The following DIPK1C variants were observed in gnomAD, a reference collection of about 807,000 sequenced individuals.
DIPK1C encodes the protein familial non-conventional Alzheimer's dementia.
In DIPK1C, 33 loss-of-function variants were observed where a neutral mutation model predicts 28.0. That is an observed-to-expected ratio of 1.18 (90% CI 0.89 to 1.58). The LOEUF is 1.58. Among genes scored for constraint, DIPK1C ranks in the 40% most tolerant of loss-of-function variants. DIPK1C has a pLI of 0.00. For synonymous variants in DIPK1C, 255 were observed against 248.8 expected (o/e 1.02, Z -0.23); for missense variants, 569 against 568.5 (o/e 1.00, Z -0.01).
At chr18:74,450,511 A>C (rs1309786406) in intron 1 of DIPK1C, among the ~76,000 whole-genome samples, 1 of 152,050 alleles carries the variant, frequency 6.6e-6, no homozygotes, top group Non-Finnish European at 1.5e-5. Context: ...TCAGGAGAAA[A>C]ATGTCAGAGA....
intron 3 of DIPK1C, among the ~76,000 whole-genome samples, chr18:74,441,557 A>G (rs566693644): frequency 1.3e-5 from 2 of 152,060 alleles, no homozygotes; most frequent in South Asian, 4.2e-4. Flanking sequence ...TTTCTGTCTA[A>G]CCTCTAGTTA....
At chr18:74,464,418 G>A in the DIPK1C span, among the ~76,000 whole-genome samples, 2 of 152,202 alleles carry the variant, frequency 1.3e-5, no homozygotes, top group East Asian at 3.8e-4. Flanking sequence ...AAGGTACAGA[G>A]ATTTTCTATC....
At chr18:74,453,936 T>C (rs977150692) in intron 1 of DIPK1C, among the ~76,000 whole-genome samples, 7 of 152,136 alleles carry the variant, frequency 4.6e-5, no homozygotes, top group African/African-American at 1.7e-4. Context: ...ATTCGCACAG[T>C]GCCTTCCCAG....
rs563652633 is a variant in DIPK1C at position 74,446,662 on chromosome 18, G to A, written c.820C>T (p.Arg274Cys). ...VNHFDSDFSHRLHLCDIKPEN... is the reference protein window; with the variant it reads ...VNHFDSDFSHCLHLCDIKPEN... ...GGCTTGATGTCGCAGAGGTGGAGGC[G>A]GTGGGAAAAGTCACTGTCAAAATGG... Residue 274 changes from arginine (R) to cysteine (C), a missense_variant, in exon 2 of 4, where the codon CGC becomes TGC. Transcript: ENST00000343998. 8.6e-5 allele frequency: 130 copies of A among 1,506,330 alleles called. No individual in the cohort carries two copies. The highest frequency in any genetic ancestry group is 1.8e-4 in the Admixed American group (8 of 43,326). The allele number at this position is 1,506,330 out of a possible 1,614,324, so 93.3% of individuals were successfully genotyped here.
upstream of DIPK1C, among the ~76,000 whole-genome samples, chr18:74,461,200 C>T (rs1217314168): frequency 1.3e-5 from 2 of 152,136 alleles, no homozygotes; most frequent in Admixed American, 1.3e-4. Context: ...CAGGCCTGAG[C>T]GAGTCTCTCA....
chr18:74,438,258 G>C (rs988693778), intron 3 of DIPK1C, among the ~76,000 whole-genome samples: 1 of 152,206 alleles, frequency 6.6e-6, no homozygotes, highest in East Asian at 1.9e-4. Flanking sequence ...AAATGTGTGC[G>C]TGTGTCGTAA....
the DIPK1C span, among the ~76,000 whole-genome samples, chr18:74,463,573 C>T: frequency 6.6e-6 from 1 of 152,106 alleles, no homozygotes; most frequent in African/African-American, 2.4e-5. Flanking sequence ...TGATGCTACT[C>T]CTTCCCGCCC....
chr18:74,440,195 C>T (rs555541960), intron 3 of DIPK1C, among the ~76,000 whole-genome samples: 2 of 152,242 alleles, frequency 1.3e-5, no homozygotes, highest in South Asian at 4.2e-4. Flanking sequence ...CCACCCACCT[C>T]GGCCTCCCAA....
At position 74,436,538 on chromosome 18, in the gene DIPK1C, T is replaced by C; in HGVS notation, c.1223A>G (p.Gln408Arg). 1 of 1,606,162 alleles carries C rather than the reference T, an allele frequency of 6.2e-7. No homozygotes were observed. Among genetic ancestry groups the C allele is most frequent in the Non-Finnish European group, 8.5e-7 (1 of 1,177,516 alleles). ...CTCCTGCAGCTCCCTCAGTGTGGCT[T>C]GGAGGAGTTGGCGAAGCTTCCAGAA... is the stretch of plus-strand genomic sequence containing the variant. ...SVFWKLRQLL[Q>R]ATLRELQEAE... is the part of the protein sequence containing the mutation. Residue 408 changes from glutamine to arginine, a missense_variant, in exon 4 of 4, where the codon CAA becomes CGA. Coordinates refer to ENST00000343998, the MANE Select transcript of DIPK1C (RefSeq NM_001044369.3).
intron 1 of DIPK1C, among the ~76,000 whole-genome samples, chr18:74,449,364 T>C (rs192871677): frequency 9.1e-4 from 138 of 152,354 alleles, no homozygotes; most frequent in African/African-American, 3.3e-3. Context: ...GAGACACACC[T>C]GGCCCCAAAA....
intron 2 of DIPK1C, among the ~76,000 whole-genome samples, chr18:74,443,854 G>A (rs1437044918): frequency 2.0e-5 from 3 of 152,000 alleles, no homozygotes; most frequent in East Asian, 1.9e-4. Context: ...GGTTTCTGCC[G>A]ATCTCCCCAG....
At chr18:74,439,116 GT>G (rs75260962) in intron 3 of DIPK1C, among the ~76,000 whole-genome samples, 59,713 of 146,552 alleles carry the variant, frequency 0.41, 12,515 homozygotes, top group East Asian at 0.75. Context: ...TTTGTTTTTT[GT>G]TTTTTTTTTT....
chr18:74,457,194 C>CCGCCCGCAG lies in DIPK1C; in HGVS notation c.57_65dup (p.Cys20_Arg22dup). 1 of 1,217,642 alleles carries CCGCCCGCAG rather than the reference C, an allele frequency of 8.2e-7. No homozygotes were observed. The highest frequency in any genetic ancestry group is 3.6e-5 in the East Asian group (1 of 28,032). 75.4% of individuals were successfully genotyped at this position (1,217,642 alleles called of 1,614,324 possible). On this transcript the variant is annotated inframe_insertion, in exon 1 of 4. Coordinates refer to ENST00000343998, the MANE Select transcript of DIPK1C (RefSeq NM_001044369.3). ...ACGCGGCGAAGGCGAGGAGCGTGCC[C>CCGCCCGCAG]CGCCCGCAGCGCCCGCGCCTCCTGC...
At position 74,435,276 on chromosome 18, in the gene DIPK1C, G is replaced by C. The variant is rs991410636; in HGVS notation, c.*1225C>G. On this transcript the variant is annotated 3_prime_UTR_variant, in exon 4 of 4. Transcript: ENST00000343998. ...CCCTTTTCATGGGATTTCTGAAAAG[G>C]GGTGACCCGTTGGTTTGTTGAGCAC... 6.6e-6 allele frequency: 1 copy of C among 152,134 alleles called. No homozygotes were observed. Among genetic ancestry groups the C allele is most frequent in the Non-Finnish European group, 1.5e-5 (1 of 68,030 alleles). The allele number at this position is 152,134 out of a possible 1,614,324, so 9.4% of individuals were successfully genotyped here. A position where few individuals can be genotyped will look rare whatever the true frequency, so the allele number is the denominator to read the frequency against.
chr18:74,460,031 T>C (rs957461294), upstream of DIPK1C, among the ~76,000 whole-genome samples: 17 of 152,032 alleles, frequency 1.1e-4, no homozygotes, highest in Non-Finnish European at 2.1e-4. Flanking sequence ...TTCTGAACAG[T>C]TGGGAAAGAG....
At chr18:74,445,664 C>G (rs1986243209) in intron 2 of DIPK1C, among the ~76,000 whole-genome samples, 1 of 152,206 alleles carries the variant, frequency 6.6e-6, no homozygotes, top group African/African-American at 2.4e-5. Context: ...CCACAGTGAC[C>G]AGCATGCCCA....
At chr18:74,438,986 C>T (rs999009124) in intron 3 of DIPK1C, among the ~76,000 whole-genome samples, 1 of 152,224 alleles carries the variant, frequency 6.6e-6, no homozygotes, top group African/African-American at 2.4e-5. Flanking sequence ...GGGAATAAGG[C>T]CCCTTCCACC....
intron 3 of DIPK1C, 124 bp from the exon 4 acceptor site, chr18:74,436,843 G>A: frequency 8.0e-6 from 7 of 870,786 alleles, no homozygotes; most frequent in Non-Finnish European, 1.2e-5. Flanking sequence ...GTCCTTCAGG[G>A]AGCACACTCC....
upstream of DIPK1C, among the ~76,000 whole-genome samples, chr18:74,461,465 T>C (rs1986617954): frequency 6.6e-6 from 1 of 150,978 alleles, no homozygotes; most frequent in Non-Finnish European, 1.5e-5. Flanking sequence ...TACAGTGCTG[T>C]GATTATAGCT....
Sources: gnomAD v4.1 joint callset for allele counts (sites outside exome capture counted in the v4.1 genomes callset) on GRCh38, gnomAD v4.1.1 for gene constraint, MANE v1.5 for transcripts, NCBI Gene and HGNC (gene_info 2026-07-23, HGNC 2026-07-21) for gene names.